The following ARHGAP31 variants were observed in gnomAD, a reference collection of about 807,000 sequenced individuals.
ARHGAP31 encodes the protein Rho GTPase activating protein 31.
A neutral mutation model predicts 113.9 loss-of-function variants in ARHGAP31; 34 were observed. The ratio of observed to expected loss-of-function variants is 0.30; its 90% CI spans 0.23 to 0.40. ARHGAP31 has a LOEUF of 0.40. ARHGAP31 is among the 10% of genes least tolerant of loss of function. ARHGAP31 has a pLI of 1.00. For missense variants in ARHGAP31, 1,548 were observed against 1,767.1 expected (o/e 0.88, Z 2.22); for synonymous variants, 650 against 684.8 (o/e 0.95, Z 0.79).
intron 1 of ARHGAP31, among the ~76,000 whole-genome samples, chr3:119,311,450 A>C (rs1031275827): frequency 1.1e-4 from 16 of 152,176 alleles, no homozygotes; most frequent in African/African-American, 3.4e-4. Flanking sequence ...AGACAATCCA[A>C]AATAATCTCC....
At chr3:119,302,363 G>A (rs1011306790) in intron 1 of ARHGAP31, among the ~76,000 whole-genome samples, 2 of 152,230 alleles carry the variant, frequency 1.3e-5, no homozygotes, top group Non-Finnish European at 2.9e-5. Context: ...AGGAGAATAA[G>A]TATTGGTACT....
intron 11 of ARHGAP31, 78 bp downstream of exon 11, chr3:119,409,854 T>A: frequency 6.9e-7 from 1 of 1,445,250 alleles, no homozygotes; most frequent in Non-Finnish European, 9.2e-7. Flanking sequence ...TTAAAGTAAA[T>A]TGAAAAAAAA....
At chr3:119,315,998 G>T (rs2079727208) in intron 1 of ARHGAP31, among the ~76,000 whole-genome samples, 1 of 152,168 alleles carries the variant, frequency 6.6e-6, no homozygotes, top group Non-Finnish European at 1.5e-5. Flanking sequence ...GTATAATGAG[G>T]ACACTGATGT....
rs1490204898 is a variant in ARHGAP31 at position 119,415,385 on chromosome 3, AGACCCCTGGAGGGTTTACTCCCAG to A, written c.3463_3486del (p.Trp1155_Pro1162del). 2.5e-6 allele frequency: 4 copies of A among 1,614,092 alleles called. No homozygotes were observed. The highest frequency in any genetic ancestry group is 3.4e-6 in the Non-Finnish European group (4 of 1,180,020). On this transcript the variant is annotated inframe_deletion, in exon 12 of 12. Transcript: ENST00000264245. ...GGATGACCTCATCTTACTGTAAAGC[AGACCCCTGGAGGGTTTACTCCCAG>A]GACCCCCAGGACCTGGACATTGTTG...
intron 1 of ARHGAP31, among the ~76,000 whole-genome samples, chr3:119,347,985 G>A (rs753599138): frequency 8.5e-5 from 13 of 152,172 alleles, no homozygotes; most frequent in Admixed American, 8.5e-4. Context: ...TTTTATATCA[G>A]GGGTGCCCAA....
At chr3:119,346,333 TATTTAA>T (rs2080056527) in intron 1 of ARHGAP31, among the ~76,000 whole-genome samples, 1 of 152,242 alleles carries the variant, frequency 6.6e-6, no homozygotes, top group African/African-American at 2.4e-5. Flanking sequence ...AGCTACTCGC[TATTTAA>T]GAAGAGAAAG....
rs6797755 is a variant in ARHGAP31 at position 119,371,560 on chromosome 3, C to T, written c.348+3044C>T. Among the ~76,000 whole-genome samples the T allele has an allele frequency of 7.9e-3, 1,206 of 152,312 alleles. 12 individuals carry two copies. Among genetic ancestry groups the T allele is most frequent in the African/African-American group, 0.025 (1,052 of 41,554 alleles). ...ATCACAGATAATATAAGTAAACCTT[C>T]ACGGGTATGGAAATAGCTCTGTTAC... On this transcript the variant is annotated intron_variant, in intron 3 of 11. Coordinates refer to ENST00000264245, the MANE Select transcript of ARHGAP31 (RefSeq NM_020754.4).
Position 119,415,841 on chromosome 3 carries a change from A to C in ARHGAP31, c.3912A>C (p.Val1304=), listed in dbSNP as rs1577037797. ...ACCTGCTCTCCACCCAGGATGCAGT[A>C]GTGCAATGCAGAAAGCGCATGTCAG... ...SSNLLSTQDA[V]VQCRKRMSET... The change falls in exon 12 of 12, where the codon GTA becomes GTC. Residue 1304 remains valine, a synonymous_variant. Transcript: ENST00000264245. 4 of 1,614,244 alleles carry C rather than the reference A, an allele frequency of 2.5e-6. No individual in the cohort carries two copies. Among genetic ancestry groups the C allele is most frequent in the Non-Finnish European group, 3.4e-6 (4 of 1,180,040 alleles).
At chr3:119,307,043 G>GTTT (rs11451539) in intron 1 of ARHGAP31, among the ~76,000 whole-genome samples, 1 of 149,042 alleles carries the variant, frequency 6.7e-6, no homozygotes, top group African/African-American at 2.5e-5. Context: ...AAGTCTGTTA[G>GTTT]TTTTTTTTTT....
chr3:119,420,649 C>T lies in ARHGAP31; in HGVS notation c.*4385C>T, dbSNP rs1215480150. On this transcript the variant is annotated 3_prime_UTR_variant, in exon 12 of 12. Coordinates refer to ENST00000264245, the MANE Select transcript of ARHGAP31 (RefSeq NM_020754.4). The stretch of plus-strand genomic sequence containing the variant: ...TTACTGGATAAATCACAATGCTTTG[C>T]AATAACTTAATGTCATAGTACTTTC... 1 of 152,172 alleles carries T rather than the reference C, an allele frequency of 6.6e-6. No homozygotes were observed. 9.4% of individuals were successfully genotyped at this position (152,172 alleles called of 1,614,324 possible). A position where few individuals can be genotyped will look rare whatever the true frequency, so the allele number is the denominator to read the frequency against.
chr3:119,305,937 C>T (rs376737070), intron 1 of ARHGAP31, among the ~76,000 whole-genome samples: 3 of 152,236 alleles, frequency 2.0e-5, no homozygotes, highest in South Asian at 4.2e-4. Context: ...CCCTCCTAAG[C>T]CTGACTTCCA....
intron 1 of ARHGAP31, among the ~76,000 whole-genome samples, chr3:119,350,478 G>A (rs2080101842): frequency 6.6e-6 from 1 of 152,116 alleles, no homozygotes; most frequent in Non-Finnish European, 1.5e-5. Context: ...ACAAAAACGA[G>A]AAGCCCCCAT....
chr3:119,337,978 T>C (rs1044934402), intron 1 of ARHGAP31, among the ~76,000 whole-genome samples: 2 of 152,222 alleles, frequency 1.3e-5, no homozygotes, highest in South Asian at 4.1e-4. Context: ...TTTTTATTCA[T>C]TTAAGGTCTA....
chr3:119,393,550 G>C lies in ARHGAP31; in HGVS notation c.965G>C (p.Ser322Thr). 2 of 1,614,138 alleles carry C rather than the reference G, an allele frequency of 1.2e-6. No individual in the cohort carries two copies. Among genetic ancestry groups the C allele is most frequent in the Non-Finnish European group, 1.7e-6 (2 of 1,179,988 alleles). ...GGATCAGACTCCAAATCAAAACTGA[G>C]TAGAAATGGGAGTGTATTTGTGAGA... is the stretch of plus-strand genomic sequence containing the variant. ...RSGSDSKSKL[S>T]RNGSVFVRGQ... The change falls in exon 8 of 12, where the codon AGT becomes ACT. Residue 322 changes from serine to threonine, a missense_variant. Transcript: ENST00000264245.
chr3:119,392,439 C>A (rs1577026476), intron 7 of ARHGAP31, among the ~76,000 whole-genome samples: 1 of 152,182 alleles, frequency 6.6e-6, no homozygotes, highest in Admixed American at 6.5e-5. Flanking sequence ...CAGAGCGAGA[C>A]CCTGTCTCAA....
At position 119,392,627 on chromosome 3, in the gene ARHGAP31, G is replaced by A. The variant is rs148191902; in HGVS notation, c.882-840G>A. Among the ~76,000 whole-genome samples, 19 of 152,334 alleles carry A rather than the reference G, an allele frequency of 1.2e-4. No individual in the cohort carries two copies. The East Asian group carries it at 3.1e-3, about 25-fold the overall frequency. On this transcript the variant is annotated intron_variant, in intron 7 of 11. Transcript: ENST00000264245. Reference sequence around the variant, plus strand: ...GCAAGGCCTCCATGGTGACCCCTGGGGTGCCAGGCTGTCTCGACGCAGCCT... The same window carrying A: ...GCAAGGCCTCCATGGTGACCCCTGGAGTGCCAGGCTGTCTCGACGCAGCCT...
At chr3:119,306,169 A>G (rs1372039938) in intron 1 of ARHGAP31, among the ~76,000 whole-genome samples, 2 of 152,216 alleles carry the variant, frequency 1.3e-5, no homozygotes, top group Non-Finnish European at 2.9e-5. Context: ...TTTAATTTTA[A>G]AATTAAATAT....
intron 1 of ARHGAP31, among the ~76,000 whole-genome samples, chr3:119,351,446 C>T (rs1051657925): frequency 1.2e-4 from 19 of 152,046 alleles, no homozygotes; most frequent in African/African-American, 4.6e-4. Context: ...ATAACTGCAC[C>T]CCAGTTTGCC....
Position 119,382,275 on chromosome 3 carries a change from A to T in ARHGAP31, c.432-17A>T. The T allele has an allele frequency of 6.2e-7, 1 of 1,613,238 alleles. No individual in the cohort carries two copies. The highest frequency in any genetic ancestry group is 8.5e-7 in the Non-Finnish European group (1 of 1,179,196). On this transcript the variant is annotated splice_polypyrimidine_tract_variant and intron_variant, in intron 4 of 11. Transcript: ENST00000264245. ...GCACTGAAGTTTCTTACTTTGTCAA[A>T]AAACAAACCATTCTAGGACCTTGGA...
Sources: allele counts gnomAD v4.1 joint callset (sites outside exome capture counted in the v4.1 genomes callset), GRCh38; gene constraint gnomAD v4.1.1; transcripts MANE v1.5; gene names NCBI Gene and HGNC (gene_info 2026-07-23, HGNC 2026-07-21).